The following ITCH variants were observed in gnomAD, a reference collection of about 807,000 sequenced individuals.
ITCH encodes E3 ubiquitin-protein ligase Itchy homolog.
ITCH carries 28 observed loss-of-function variants against 126.8 expected under a neutral mutation model. The observed-to-expected ratio is 0.22, with a 90% confidence interval of 0.16 to 0.30. The LOEUF (loss-of-function observed/expected upper bound fraction) is 0.30. ITCH is among the 10% of genes least tolerant of loss of function. The probability of loss-of-function intolerance (pLI) is 1.00; values close to 1 mark genes in which losing one functional copy is unlikely to be tolerated. For missense variants in ITCH, 631 were observed against 1,032.4 expected (o/e 0.61, Z 5.33); for synonymous variants, 342 against 340.0 (o/e 1.01, Z -0.06).
intron 10 of ITCH, 83 bp from the exon 11 acceptor site, chr20:34,445,204 T>C: frequency 7.0e-7 from 1 of 1,427,222 alleles, no homozygotes; most frequent in Non-Finnish European, 9.7e-7. Flanking sequence ...AAATCAAAAG[T>C]AGTTTCTCAA....
intron 2 of ITCH, chr20:34,384,262 A>G (rs976314785): frequency 2.8e-5 from 4 of 143,012 alleles, no homozygotes; most frequent in African/African-American, 1.1e-4. Context: ...CAGTTGGACC[A>G]GCCGAGGCCT....
At chr20:34,385,306 G>T (rs535576512) in intron 2 of ITCH, among the ~76,000 whole-genome samples, 1 of 143,250 alleles carries the variant, frequency 7.0e-6, no homozygotes, top group Admixed American at 7.4e-5. Context: ...TAGGTGATCC[G>T]CTCACCTTGG....
At chr20:34,471,853 T>C (rs1362398163) in intron 16 of ITCH, among the ~76,000 whole-genome samples, 1 of 151,992 alleles carries the variant, frequency 6.6e-6, no homozygotes, top group Admixed American at 6.6e-5. Context: ...GGTAAGATAA[T>C]AGGTTTTTGG....
intron 2 of ITCH, 88 bp from the exon 3 acceptor site, chr20:34,393,703 T>G: frequency 1.2e-6 from 1 of 829,328 alleles, no homozygotes; most frequent in Non-Finnish European, 2.2e-6. Context: ...TACATGGTCT[T>G]CAGTAATAAA....
chr20:34,456,176 G>GTATA (rs1985905470), intron 12 of ITCH, among the ~76,000 whole-genome samples: 3 of 34,148 alleles, frequency 8.8e-5, no homozygotes, highest in African/African-American at 4.6e-4. Context: ...GTGTGTGTGT[G>GTATA]TGTGTGTGTA....
chr20:34,377,324 A>G lies in ITCH; in HGVS notation c.-22+7854A>G, dbSNP rs1273667143. On this transcript the variant is annotated intron_variant, in intron 2 of 24. Coordinates refer to ENST00000374864, the MANE Select transcript of ITCH (RefSeq NM_031483.7). ...GGGAGGCGGAGGTTGCAATGAGCCG[A>G]GATTGAACTGCTGCACTCCAGCCTG... 2.6e-5 allele frequency among the ~76,000 whole-genome samples: 4 copies of G among 152,280 alleles called. 1 individual carries two copies. Among genetic ancestry groups the G allele is most frequent in the Middle Eastern group, 6.8e-3 (2 of 294 alleles).
chr20:34,388,154 G>A (rs1291456438), intron 2 of ITCH, among the ~76,000 whole-genome samples: 2 of 150,730 alleles, frequency 1.3e-5, no homozygotes, highest in African/African-American at 4.9e-5. Context: ...CTGGAATGCA[G>A]AGGTGCAGTC....
At chr20:34,497,147 C>G (rs1183977785) in intron 23 of ITCH, among the ~76,000 whole-genome samples, 1 of 151,980 alleles carries the variant, frequency 6.6e-6, no homozygotes, top group Non-Finnish European at 1.5e-5. Flanking sequence ...CAGGCACGCA[C>G]CACCACACCT....
At chr20:34,383,311 T>TG (rs1332752958) in intron 2 of ITCH, among the ~76,000 whole-genome samples, 1 of 151,608 alleles carries the variant, frequency 6.6e-6, no homozygotes, top group Non-Finnish European at 1.5e-5. Flanking sequence ...CCCAAGGTAT[T>TG]GGGGGTGGGA....
chr20:34,376,483 A>C (rs113730667), intron 2 of ITCH, among the ~76,000 whole-genome samples: 4 of 152,150 alleles, frequency 2.6e-5, no homozygotes, highest in African/African-American at 9.6e-5. Flanking sequence ...TAAATAAAAC[A>C]GTTCAAACAA....
At chr20:34,474,331 C>T (rs192540632) in intron 16 of ITCH, among the ~76,000 whole-genome samples, 105 of 152,242 alleles carry the variant, frequency 6.9e-4, no homozygotes, top group Middle Eastern at 3.4e-3. Flanking sequence ...TGTTTGTGTC[C>T]CTGGGTACTT....
At chr20:34,436,656 T>C (rs1313593455) in intron 7 of ITCH, among the ~76,000 whole-genome samples, 1 of 152,192 alleles carries the variant, frequency 6.6e-6, no homozygotes, top group Non-Finnish European at 1.5e-5. Context: ...TGTCCACATA[T>C]ATAATCTGGG....
intron 20 of ITCH, among the ~76,000 whole-genome samples, chr20:34,486,956 A>G (rs1039435959): frequency 2.5e-4 from 38 of 150,336 alleles, no homozygotes; most frequent in Non-Finnish European, 8.8e-5. Flanking sequence ...TGCTGGGATT[A>G]CAGATGTCAG....
rs1989598791 is a variant in ITCH, at chr20:34,492,662, G to A, written c.2416+65G>A. 5.1e-6 allele frequency: 5 copies of A among 988,926 alleles called. No individual in the cohort carries two copies. The East Asian group carries it at 9.5e-5, about 19-fold the overall frequency. 61.3% of individuals were successfully genotyped at this position (988,926 alleles called of 1,614,324 possible). On this transcript the variant is annotated intron_variant, in intron 23 of 24. Transcript: ENST00000374864. ...TTATCATGCTGCTTTACGTAAATGT[G>A]TATACAGCCTATTAGAAACAACAAA...
intron 16 of ITCH, chr20:34,476,686 G>A (rs1318898280): frequency 7.7e-6 from 2 of 258,660 alleles, no homozygotes; most frequent in Non-Finnish European, 1.4e-5. Flanking sequence ...TTTTGTGGGG[G>A]AACTGAGAGA....
intron 7 of ITCH, among the ~76,000 whole-genome samples, chr20:34,433,087 T>G (rs1982530684): frequency 6.6e-6 from 1 of 151,954 alleles, no homozygotes; most frequent in African/African-American, 2.4e-5. Context: ...GTCAGGAGTT[T>G]GAGACCAGCC....
intron 4 of ITCH, 124 bp downstream of exon 4, chr20:34,408,916 T>C (rs1405877352): frequency 9.9e-7 from 1 of 1,005,708 alleles, no homozygotes; most frequent in Non-Finnish European, 1.5e-6. Context: ...TCTTCTTTTT[T>C]TTTTTTTCTT....
chr20:34,414,455 T>TA (rs1979520075), intron 6 of ITCH, among the ~76,000 whole-genome samples: 1 of 128,092 alleles, frequency 7.8e-6, no homozygotes, highest in Non-Finnish European at 1.6e-5. Context: ...TGACTTTAAA[T>TA]CCTTTTTTTT....
intron 6 of ITCH, among the ~76,000 whole-genome samples, chr20:34,423,882 T>C (rs963075708): frequency 5.9e-5 from 9 of 152,110 alleles, no homozygotes; most frequent in Non-Finnish European, 1.5e-5. Flanking sequence ...GGATTACAGG[T>C]GTAAGCTGTT....
Sources: allele counts gnomAD v4.1 joint callset (sites outside exome capture counted in the v4.1 genomes callset), GRCh38; gene constraint gnomAD v4.1.1; transcripts MANE v1.5; gene names NCBI Gene and HGNC (gene_info 2026-07-23, HGNC 2026-07-21).